DIP2C: variants seen among roughly 807,000 people sequenced by gnomAD.
DIP2C encodes disco-interacting protein 2 homolog C.
In DIP2C, 33 loss-of-function variants were observed where a neutral mutation model predicts 192.4. The ratio of observed to expected loss-of-function variants is 0.17; its 90% CI spans 0.13 to 0.23. The LOEUF (loss-of-function observed/expected upper bound fraction) is 0.23, where lower values mean the gene tolerates loss of function less well. Ranked by LOEUF, DIP2C falls within the 10% of genes least tolerant of loss-of-function variation. DIP2C has a pLI of 1.00. For synonymous variants in DIP2C, 979 were observed against 864.1 expected (o/e 1.13, Z -2.33); for missense variants, 1,537 against 2,110.1 (o/e 0.73, Z 5.32).
intron 1 of DIP2C, among the ~76,000 whole-genome samples, chr10:615,125 C>T (rs1356455940): frequency 6.6e-6 from 1 of 152,212 alleles, no homozygotes; most frequent in Non-Finnish European, 1.5e-5. Flanking sequence ...CCCGTGATTC[C>T]CACGACACAC....
At chr10:309,669 C>T (rs960891451) in intron 32 of DIP2C, among the ~76,000 whole-genome samples, 14 of 152,000 alleles carry the variant, frequency 9.2e-5, no homozygotes, top group African/African-American at 3.4e-4. Flanking sequence ...AGCAATTCTC[C>T]TGACTCAGCC....
chr10:360,788 C>A (rs1195903500), intron 22 of DIP2C, among the ~76,000 whole-genome samples: 1 of 152,194 alleles, frequency 6.6e-6, no homozygotes, highest in Non-Finnish European at 1.5e-5. Context: ...GTGCCATTAA[C>A]TGAGTAAATA....
intron 1 of DIP2C, among the ~76,000 whole-genome samples, chr10:501,418 A>AAGCAGAGATCT (rs1845219607): frequency 1.3e-5 from 2 of 152,166 alleles, no homozygotes; most frequent in African/African-American, 4.8e-5. Context: ...CTGCTTTGCA[A>AAGCAGAGATCT]TACCAACTTT....
At chr10:314,697 G>A (rs1028352487) in intron 31 of DIP2C, among the ~76,000 whole-genome samples, 3 of 152,148 alleles carry the variant, frequency 2.0e-5, no homozygotes, top group African/African-American at 7.2e-5. Context: ...ACTAGGTAAC[G>A]GCTACTCACA....
chr10:674,785 T>TATATATATATA (rs1830804017), intron 1 of DIP2C, among the ~76,000 whole-genome samples: 1 of 92,032 alleles, frequency 1.1e-5, no homozygotes, highest in South Asian at 3.2e-4. Flanking sequence ...TATATATATA[T>TATATATATATA]ATATAGAGAG....
chr10:576,813 A>C (rs1348597187), intron 1 of DIP2C, among the ~76,000 whole-genome samples: 1 of 152,188 alleles, frequency 6.6e-6, no homozygotes, highest in Non-Finnish European at 1.5e-5. Flanking sequence ...AAGCTGAAGC[A>C]TAAGAATCTC....
At chr10:277,735 G>A (rs1054112105) in intron 36 of DIP2C, among the ~76,000 whole-genome samples, 158 bp from the exon 37 acceptor site, 8 of 151,648 alleles carry the variant, frequency 5.3e-5, no homozygotes, top group East Asian at 1.9e-4. Flanking sequence ...CCCACTAATC[G>A]TTCCCCATAC....
At chr10:487,419 C>T (rs1013511105) in intron 1 of DIP2C, among the ~76,000 whole-genome samples, 15 of 152,250 alleles carry the variant, frequency 9.9e-5, no homozygotes, top group Non-Finnish European at 2.1e-4. Flanking sequence ...CGGGCAGTCT[C>T]GGATGCTGCC....
intron 1 of DIP2C, among the ~76,000 whole-genome samples, chr10:582,253 GAC>G (rs1354417196): frequency 1.3e-5 from 2 of 152,224 alleles, no homozygotes; most frequent in Non-Finnish European, 2.9e-5. Flanking sequence ...CCCAGGTGGA[GAC>G]ACCACTCGTG....
intron 1 of DIP2C, among the ~76,000 whole-genome samples, chr10:561,520 G>A (rs1849215880): frequency 1.3e-5 from 2 of 152,168 alleles, no homozygotes; most frequent in African/African-American, 4.8e-5. Context: ...GCTTTTGGCT[G>A]TTGCTTCTCC....
At chr10:648,572 G>A (rs557947971) in intron 1 of DIP2C, among the ~76,000 whole-genome samples, 49 of 151,934 alleles carry the variant, frequency 3.2e-4, no homozygotes, top group Admixed American at 1.2e-3. Context: ...TTGAGGGTGG[G>A]CAAGAACAGA....
Position 372,820 on chromosome 10 carries a change from G to A in DIP2C, c.1992-3187C>T, listed in dbSNP as rs78097712. On this transcript the variant is annotated intron_variant, in intron 17 of 36. Coordinates refer to ENST00000280886, the MANE Select transcript of DIP2C (RefSeq NM_014974.3). Reference sequence around the variant, plus strand: ...GGCACACAGGCAGGCACAGAAGCGCGGGTACTCCTGACACACTGGCAGCCT... The same window carrying A: ...GGCACACAGGCAGGCACAGAAGCGCAGGTACTCCTGACACACTGGCAGCCT... Among the ~76,000 whole-genome samples, 415 of 152,202 alleles carry A rather than the reference G, an allele frequency of 2.7e-3. 5 individuals are homozygous for A. The highest frequency in any genetic ancestry group is 6.0e-3 in the African/African-American group (249 of 41,492).
At chr10:565,538 G>A (rs188153142) in intron 1 of DIP2C, among the ~76,000 whole-genome samples, 23 of 152,116 alleles carry the variant, frequency 1.5e-4, no homozygotes, top group East Asian at 7.7e-4. Context: ...TTTTCCAATC[G>A]TAAGAGAGGC....
chr10:352,476 A>G (rs1958869305), intron 24 of DIP2C, among the ~76,000 whole-genome samples: 1 of 152,234 alleles, frequency 6.6e-6, no homozygotes, highest in African/African-American at 2.4e-5. Flanking sequence ...CTCAGGTGTT[A>G]GGTCCCAAAG....
chr10:396,826 TG>T (rs57932225), intron 10 of DIP2C, among the ~76,000 whole-genome samples: 552 of 41,082 alleles, frequency 0.013, 2 homozygotes, highest in South Asian at 0.068. Flanking sequence ...GCAAATCCGG[TG>T]GGGGGGGGGG....
intron 9 of DIP2C, among the ~76,000 whole-genome samples, chr10:404,397 T>C (rs1157445731): frequency 6.6e-6 from 1 of 152,088 alleles, no homozygotes; most frequent in Non-Finnish European, 1.5e-5. Flanking sequence ...TTTTTGTAGA[T>C]ACAGGGTTTC....
chr10:486,333 G>A, intron 2 of DIP2C, 126 bp downstream of exon 2: 3 of 794,312 alleles, frequency 3.8e-6, no homozygotes, highest in Non-Finnish European at 6.0e-6. Flanking sequence ...AATGCCTGGA[G>A]GGTGAACGCC....
At chr10:387,162 T>C (rs967212907) in intron 14 of DIP2C, among the ~76,000 whole-genome samples, 2 of 152,222 alleles carry the variant, frequency 1.3e-5, no homozygotes, top group African/African-American at 2.4e-5. Context: ...TATTCTAAGA[T>C]ACTGAATGCC....
intron 1 of DIP2C, among the ~76,000 whole-genome samples, chr10:486,926 G>A (rs1309308216): frequency 6.6e-6 from 1 of 152,168 alleles, no homozygotes; most frequent in Non-Finnish European, 1.5e-5. Context: ...AGCACCTATT[G>A]GCATCTTCTT....
Sources: allele counts gnomAD v4.1 joint callset (sites outside exome capture counted in the v4.1 genomes callset), GRCh38; gene constraint gnomAD v4.1.1; transcripts MANE v1.5; gene names NCBI Gene and HGNC (gene_info 2026-07-23, HGNC 2026-07-21).